MARVELD3: variants seen among roughly 807,000 people sequenced by gnomAD.
The protein encoded by MARVELD3 is MARVEL domain-containing protein 3.
In MARVELD3, 28 loss-of-function variants were observed where a neutral mutation model predicts 33.5. The ratio of observed to expected loss-of-function variants is 0.84; its 90% CI spans 0.62 to 1.15. MARVELD3 has a LOEUF of 1.15. Ranked by LOEUF, MARVELD3 falls within the 50% of genes most tolerant of loss-of-function variation. The pLI is 0.00. For missense variants in MARVELD3, 582 were observed against 547.6 expected, an observed-to-expected ratio of 1.06 and a Z score of -0.63; for synonymous variants, 241 against 230.4, an observed-to-expected ratio of 1.05 and a Z score of -0.42.
chr16:71,626,234 A>C lies in MARVELD3; in HGVS notation c.5A>C (p.Glu2Ala). 1.3e-6 allele frequency: 2 copies of C among 1,489,642 alleles called. No homozygotes were observed. The highest frequency in any genetic ancestry group is 1.8e-6 in the Non-Finnish European group (2 of 1,122,766). 92.3% of individuals were successfully genotyped at this position (1,489,642 alleles called of 1,614,324 possible). A position where few individuals can be genotyped will look rare whatever the true frequency, so the allele number is the denominator to read the frequency against. Residue 2 changes from glutamate (E) to alanine (A), a missense_variant, in exon 1 of 3, where the codon GAA (glutamate) becomes GCA (alanine). Glu to Ala is a moderately radical substitution (Grantham distance 107). Transcript: ENST00000268485. This position sits in a 1 kb window ranked among gnomAD's most constrained non-coding sequence, Gnocchi z 5.3. M[E>A]DPSGAREPRA... ...GCGGGGACACGGAACCCGGCCATGG[A>C]AGATCCGTCGGGGGCTCGCGAGCCC... is the stretch of plus-strand genomic sequence containing the variant.
In MARVELD3 at chr16:71,634,573, C is replaced by A; in HGVS notation, c.976C>A (p.His326Asn). 6.2e-7 allele frequency: 1 copy of A among 1,614,204 alleles called. No homozygotes were observed. Among genetic ancestry groups the A allele is most frequent in the Non-Finnish European group, 8.5e-7 (1 of 1,180,038 alleles). Residue 326 changes from histidine (H) to asparagine (N), a missense_variant, in exon 3 of 3, where the codon CAC becomes AAC. Transcript: ENST00000268485. ...CATCCCGGCCTTGTACTTCTACTTC[C>A]ACTACCTCTCTGCTGCCTATGGCTC... ...GYIPALYFYF[H>N]YLSAAYGSPV...
downstream of MARVELD3, chr16:71,640,552 G>A (rs201544903): frequency 1.7e-5 from 27 of 1,614,062 alleles, no homozygotes; most frequent in East Asian, 6.7e-5. Flanking sequence ...GAGCAGGTTC[G>A]GCAGCTGGAC....
chr16:71,629,716 G>T (rs1195245227), intron 2 of MARVELD3: 3 of 504,666 alleles, frequency 5.9e-6, no homozygotes, highest in Admixed American at 8.8e-5. Context: ...CCTTAAACAT[G>T]CCCTGGGTTT....
In MARVELD3 at chr16:71,629,414, G is replaced by A. The variant is rs759277735; in HGVS notation, c.515G>A (p.Arg172Gln). Residue 172 changes from arginine (R) to glutamine (Q), a missense_variant, in exon 2 of 3, where the codon CGA becomes CAA. Transcript: ENST00000268485. ...CTGCCCTCGACCCCCAGGCCTGGAC[G>A]AGAGGAGGTGGAATATTACCAGTCA... is the stretch of plus-strand genomic sequence containing the variant. ...RYLPSTPRPG[R>Q]EEVEYYQSEA... is the part of the protein sequence containing the mutation. The A allele has an allele frequency of 1.9e-5, 30 of 1,581,232 alleles. No individual in the cohort carries two copies. The highest frequency in any genetic ancestry group is 2.5e-5 in the Non-Finnish European group (29 of 1,166,934).
downstream of MARVELD3, chr16:71,640,300 C>T (rs1201503339): frequency 1.4e-5 from 20 of 1,415,322 alleles, no homozygotes; most frequent in African/African-American, 1.2e-4. Context: ...GAATCAACCA[C>T]GTCCTTAAAA....
At position 71,626,930 on chromosome 16, in the gene MARVELD3, T is replaced by G; in HGVS notation, c.467+234T>G. On this transcript the variant is annotated intron_variant, in intron 1 of 2. Transcript: ENST00000268485. The surrounding 1 kb of genome is among the most constrained non-coding windows in gnomAD (Gnocchi z 5.3). ...AAGCAAAAACCACCCCTGTGAGCAG[T>G]GGCTGGGCTGGAGGACCTGGAGAAG... 4.9e-6 allele frequency: 2 copies of G among 411,192 alleles called. No homozygotes were observed. The highest frequency in any genetic ancestry group is 4.1e-5 in the East Asian group (1 of 24,498). 25.5% of individuals were successfully genotyped at this position (411,192 alleles called of 1,614,324 possible).
At position 71,635,907 on chromosome 16, in the gene MARVELD3, T is replaced by C; in HGVS notation, c.*1104T>C. 1.0e-6 allele frequency: 1 copy of C among 985,396 alleles called. No individual in the cohort carries two copies. The highest frequency in any genetic ancestry group is 1.7e-5 in the African/African-American group (1 of 57,332). 61.0% of individuals were successfully genotyped at this position (985,396 alleles called of 1,614,324 possible). On this transcript the variant is annotated 3_prime_UTR_variant, in exon 3 of 3. Transcript: ENST00000268485. ...AGCCCCTTACAGTGGCCCTGAAAGC[T>C]CAATAAGTGTTTTGTACCTCTTGTA...
In MARVELD3 at chr16:71,626,628, G is replaced by A. The variant is rs1225902200; in HGVS notation, c.399G>A (p.Ala133=). 1 of 1,537,548 alleles carries A rather than the reference G, an allele frequency of 6.5e-7. No individual in the cohort carries two copies. The highest frequency in any genetic ancestry group is 2.0e-5 in the Admixed American group (1 of 50,798). The change falls in exon 1 of 3, where the codon GCG becomes GCA. Residue 133 remains alanine (A), a synonymous_variant. Coordinates refer to ENST00000268485, the MANE Select transcript of MARVELD3 (RefSeq NM_052858.6). The surrounding 1 kb of genome is among the most constrained non-coding windows in gnomAD (Gnocchi z 5.3). ...ACGCAGCCGCGCCTCCTGGGCCCGC[G>A]CCCTGGGAAGCCCCGGAGCCGCCGC... ...TWDAAAPPGP[A]PWEAPEPPQP...
chr16:71,635,686 A>C lies in MARVELD3; in HGVS notation c.*883A>C. On this transcript the variant is annotated 3_prime_UTR_variant, in exon 3 of 3. Transcript: ENST00000268485. The stretch of plus-strand genomic sequence containing the variant: ...ACTTCAGCCTGAATTTTTCTAAAAC[A>C]CAGTTGTCTCAAGCAGATTACTCCA... 1 of 985,056 alleles carries C rather than the reference A, an allele frequency of 1.0e-6. No individual in the cohort carries two copies. The highest frequency in any genetic ancestry group is 5.2e-4 in the Middle Eastern group (1 of 1,912). The allele number at this position is 985,056 out of a possible 1,614,324, so 61.0% of individuals were successfully genotyped here.
Position 71,626,753 on chromosome 16 carries a change from G to T in MARVELD3, c.467+57G>T. 7.5e-7 allele frequency: 1 copy of T among 1,325,626 alleles called. No homozygotes were observed. Among genetic ancestry groups the T allele is most frequent in the Non-Finnish European group, 9.8e-7 (1 of 1,024,880 alleles). 82.1% of individuals were successfully genotyped at this position (1,325,626 alleles called of 1,614,324 possible). ...GCCGGGGACACCTGTGGCCCAGGCC[G>T]GCCCGCGAGGCCCTGGCGTCCCCGG... On this transcript the variant is annotated intron_variant, in intron 1 of 2. Coordinates refer to ENST00000268485, the MANE Select transcript of MARVELD3 (RefSeq NM_052858.6). This position sits in a 1 kb window ranked among gnomAD's most constrained non-coding sequence, Gnocchi z 5.3.
chr16:71,640,775 G>A, downstream of MARVELD3: 1 of 1,614,268 alleles, frequency 6.2e-7, no homozygotes, highest in Non-Finnish European at 8.5e-7. Context: ...TGGCTCTGCA[G>A]ATCAATAGCA....
chr16:71,630,543 G>A (rs907494474), intron 2 of MARVELD3, among the ~76,000 whole-genome samples: 2 of 151,472 alleles, frequency 1.3e-5, no homozygotes, highest in South Asian at 2.1e-4. Flanking sequence ...AGAATCGCTT[G>A]AACCCGGGAG....
In MARVELD3 at chr16:71,634,962, T is replaced by C; in HGVS notation, c.*159T>C. 2.8e-6 allele frequency: 4 copies of C among 1,420,476 alleles called. No individual in the cohort carries two copies. The highest frequency in any genetic ancestry group is 3.7e-6 in the Non-Finnish European group (4 of 1,089,330). 88.0% of individuals were successfully genotyped at this position (1,420,476 alleles called of 1,614,324 possible). ...GAGCTCCCAGTCGCATGGAGCGGTG[T>C]TCATGGATGCAACAGACCCTGGCTT... On this transcript the variant is annotated 3_prime_UTR_variant, in exon 3 of 3. Transcript: ENST00000268485.
At position 71,635,291 on chromosome 16, in the gene MARVELD3, T is replaced by G; in HGVS notation, c.*488T>G. The stretch of plus-strand genomic sequence containing the variant: ...TTGCAGTGAGCCGAGATCCCGCCAC[T>G]GCACTCCAGCCCAGGTGACAGAGCG... On this transcript the variant is annotated 3_prime_UTR_variant, in exon 3 of 3. Transcript: ENST00000268485. 1.0e-6 allele frequency: 1 copy of G among 968,336 alleles called. No homozygotes were observed. The highest frequency in any genetic ancestry group is 1.2e-6 in the Non-Finnish European group (1 of 817,608). 60.0% of individuals were successfully genotyped at this position (968,336 alleles called of 1,614,324 possible).
rs765726806 is a variant in MARVELD3, at chr16:71,626,210, C to A, written c.-20C>A. On this transcript the variant is annotated 5_prime_UTR_variant, in exon 1 of 3. Transcript: ENST00000268485. The surrounding 1 kb of genome is among the most constrained non-coding windows in gnomAD (Gnocchi z 5.3). ...TTGTTGCCCTCAGGTCGCTCCCGGG[C>A]GGGGACACGGAACCCGGCCATGGAA... is the stretch of plus-strand genomic sequence containing the variant. The A allele has an allele frequency of 6.9e-7, 1 of 1,450,126 alleles. No individual in the cohort carries two copies. Among genetic ancestry groups the A allele is most frequent in the Non-Finnish European group, 9.1e-7 (1 of 1,103,962 alleles). The allele number at this position is 1,450,126 out of a possible 1,614,324, so 89.8% of individuals were successfully genotyped here. A position where few individuals can be genotyped will look rare whatever the true frequency, so the allele number is the denominator to read the frequency against.
exon 3 of MARVELD3, chr16:71,641,601 C>T (rs948974017): frequency 2.0e-5 from 3 of 152,810 alleles, no homozygotes; most frequent in Admixed American, 6.5e-5. Flanking sequence ...TACAAAAAAT[C>T]ATCTGGGCTT....
chr16:71,631,274 A>T (rs938351918), intron 2 of MARVELD3, among the ~76,000 whole-genome samples: 3 of 152,166 alleles, frequency 2.0e-5, no homozygotes, highest in African/African-American at 7.2e-5. Context: ...TATCCAGAGG[A>T]CTGTGTTCTT....
chr16:71,640,547 G>C (rs745553380), downstream of MARVELD3: 5 of 1,614,110 alleles, frequency 3.1e-6, no homozygotes, highest in African/African-American at 5.3e-5. Context: ...AGCTAGAGCA[G>C]GTTCGGCAGC....
At chr16:71,633,219 A>T (rs1224374796) in intron 2 of MARVELD3, among the ~76,000 whole-genome samples, 1 of 151,792 alleles carries the variant, frequency 6.6e-6, no homozygotes, top group Admixed American at 6.6e-5. Flanking sequence ...AAAATTAGCC[A>T]GGCCCAGGTT....
Sources: allele counts gnomAD v4.1 joint callset (sites outside exome capture counted in the v4.1 genomes callset), GRCh38; gene constraint gnomAD v4.1.1; non-coding constraint Gnocchi (gnomAD v3.1); transcripts MANE v1.5; gene names NCBI Gene and HGNC (gene_info 2026-07-23, HGNC 2026-07-21).